CALHM5: variants seen among roughly 807,000 people sequenced by gnomAD.
CALHM5 encodes the protein calcium homeostasis modulator protein 5.
Under a neutral mutation model 20.9 loss-of-function variants are expected in CALHM5, and 17 were observed. The ratio of observed to expected loss-of-function variants is 0.82; its 90% CI spans 0.56 to 1.22. The LOEUF (loss-of-function observed/expected upper bound fraction) is 1.22, where lower values mean the gene tolerates loss of function less well. Among genes scored for constraint, CALHM5 ranks in the 50% most tolerant of loss-of-function variants. The pLI, the probability that CALHM5 is intolerant of heterozygous loss-of-function variation, is 0.00. For missense variants in CALHM5, 360 were observed against 364.6 expected (o/e 0.99, Z 0.10); for synonymous variants, 148 against 140.0 (o/e 1.06, Z -0.40).
chr6:116,515,924 C>A lies in CALHM5; in HGVS notation c.865C>A (p.Leu289Met). The A allele has an allele frequency of 6.2e-7, 1 of 1,613,668 alleles. No individual in the cohort carries two copies. The change falls in exon 2 of 2, where the codon CTG becomes ATG. Residue 289 changes from leucine to methionine, a missense_variant. Transcript: ENST00000368599. Reference sequence around the variant, plus strand: ...CCTCCACAGAGTGGTGGACAATGGTCTGCAACTTAGCCCTGAGGATGATGA... The same window carrying A: ...CCTCCACAGAGTGGTGGACAATGGTATGCAACTTAGCCCTGAGGATGATGA... ...STLHRVVDNG[L>M]QLSPEDDETT...
chr6:116,514,808 C>T (rs1772189923), intron 1 of CALHM5, among the ~76,000 whole-genome samples: 1 of 152,040 alleles, frequency 6.6e-6, no homozygotes, highest in African/African-American at 2.4e-5. Flanking sequence ...GGCTCATCTG[C>T]TAAAGAATAT....
In CALHM5 at chr6:116,522,288, C is replaced by G. The variant is rs1238536799; in HGVS notation, c.*6299C>G. 1.3e-5 allele frequency: 2 copies of G among 152,188 alleles called. No individual in the cohort carries two copies. The highest frequency in any genetic ancestry group is 4.8e-5 in the African/African-American group (2 of 41,436). The allele number at this position is 152,188 out of a possible 1,614,324, so 9.4% of individuals were successfully genotyped here. ...CTTTGTAGAGAAGTCCTTGCCATGTCCTATCCAACTCCATGACCCCAAAAA... is the reference window on the plus strand; with the variant it reads ...CTTTGTAGAGAAGTCCTTGCCATGTGCTATCCAACTCCATGACCCCAAAAA... On this transcript the variant is annotated 3_prime_UTR_variant, in exon 2 of 2. Transcript: ENST00000368599.
chr6:116,513,014 C>A (rs1772153794), intron 1 of CALHM5, among the ~76,000 whole-genome samples: 1 of 152,104 alleles, frequency 6.6e-6, no homozygotes, highest in Non-Finnish European at 1.5e-5. Flanking sequence ...GGCACATGAA[C>A]ACAAATCCAG....
Position 116,511,971 on chromosome 6 carries a change from A to G in CALHM5, c.275A>G (p.His92Arg), listed in dbSNP as rs767174345. The change falls in exon 1 of 2, where the codon CAC becomes CGC. Residue 92 changes from histidine to arginine, a missense_variant. By Grantham distance (29) the His-to-Arg change is conservative. Transcript: ENST00000368599. ...VNPRKIFPRGHSCRFFYVLGQ... is the reference protein window; with the variant it reads ...VNPRKIFPRGRSCRFFYVLGQ... Reference sequence around the variant, plus strand: ...CCCAGGAAAATCTTTCCCAGAGGCCACAGCTGCCGTTTCTTCTACGTCCTC... The same window carrying G: ...CCCAGGAAAATCTTTCCCAGAGGCCGCAGCTGCCGTTTCTTCTACGTCCTC... 7 of 1,613,974 alleles carry G rather than the reference A, an allele frequency of 4.3e-6. No homozygotes were observed. The East Asian group carries it at 1.3e-4, about 31-fold the overall frequency.
rs144179208 is a variant in CALHM5 at position 116,521,991 on chromosome 6, G to C, written c.*6002G>C. 17 of 152,084 alleles carry C rather than the reference G, an allele frequency of 1.1e-4. No homozygotes were observed. In the East Asian group the frequency reaches 3.3e-3, roughly 30 times the overall value. The allele number at this position is 152,084 out of a possible 1,614,324, so 9.4% of individuals were successfully genotyped here. The stretch of plus-strand genomic sequence containing the variant: ...TCAGGGACTACCAAGCTCTGAAGAG[G>C]CCCAAGCTAGCCAGTGGGAGGAGAG... On this transcript the variant is annotated 3_prime_UTR_variant, in exon 2 of 2. Transcript: ENST00000368599.
rs1361182965 is a variant in CALHM5, at chr6:116,511,695, A to G, written c.-2A>G. 6.2e-7 allele frequency: 1 copy of G among 1,612,644 alleles called. No individual in the cohort carries two copies. The highest frequency in any genetic ancestry group is 8.5e-7 in the Non-Finnish European group (1 of 1,179,300). ...AGCATTTTCCCTCTGTGCATCTCCA[A>G]CATGGATGCTTTTCAGGGCATTTTA... On this transcript the variant is annotated 5_prime_UTR_variant, in exon 1 of 2. Coordinates refer to ENST00000368599, the MANE Select transcript of CALHM5 (RefSeq NM_153711.5).
In CALHM5 at chr6:116,516,256, T is replaced by A; in HGVS notation, c.*267T>A. On this transcript the variant is annotated 3_prime_UTR_variant, in exon 2 of 2. Coordinates refer to ENST00000368599, the MANE Select transcript of CALHM5 (RefSeq NM_153711.5). ...TGTTGCTCCAAGATCTAAGATTTTATCATTCAACAGACAGACTCATGTGAG... is the reference window on the plus strand; with the variant it reads ...TGTTGCTCCAAGATCTAAGATTTTAACATTCAACAGACAGACTCATGTGAG... The A allele has an allele frequency of 3.0e-6, 1 of 333,376 alleles. No individual in the cohort carries two copies. Among genetic ancestry groups the A allele is most frequent in the Admixed American group, 4.6e-5 (1 of 21,844 alleles). The allele number at this position is 333,376 out of a possible 1,614,324, so 20.7% of individuals were successfully genotyped here. A position where few individuals can be genotyped will look rare whatever the true frequency, so the allele number is the denominator to read the frequency against.
chr6:116,524,067 G>A lies in CALHM5; in HGVS notation c.*8078G>A, dbSNP rs1772397796. The A allele has an allele frequency of 6.6e-6, 1 of 152,166 alleles. No homozygotes were observed. Among genetic ancestry groups the A allele is most frequent in the Admixed American group, 6.5e-5 (1 of 15,284 alleles). 9.4% of individuals were successfully genotyped at this position (152,166 alleles called of 1,614,324 possible). On this transcript the variant is annotated 3_prime_UTR_variant, in exon 2 of 2. Transcript: ENST00000368599. The stretch of plus-strand genomic sequence containing the variant: ...TAATTTTGCTATGTGTGGTAATGGT[G>A]TGCCGATTTATGTTTTTTAAAAAGT...
intron 1 of CALHM5, among the ~76,000 whole-genome samples, chr6:116,515,329 A>G (rs1271705638): frequency 6.6e-6 from 1 of 152,096 alleles, no homozygotes; most frequent in East Asian, 1.9e-4. Flanking sequence ...TATACTTTGT[A>G]CTCTTTTCTA....
chr6:116,514,312 A>T (rs1772180304), intron 1 of CALHM5, among the ~76,000 whole-genome samples: 1 of 152,202 alleles, frequency 6.6e-6, no homozygotes, highest in Admixed American at 6.5e-5. Flanking sequence ...AAAGAGGAAG[A>T]CAGACGATGA....
At chr6:116,514,982 G>A (rs1168143841) in intron 1 of CALHM5, among the ~76,000 whole-genome samples, 1 of 152,200 alleles carries the variant, frequency 6.6e-6, no homozygotes, top group Non-Finnish European at 1.5e-5. Context: ...GAGAAAAGCT[G>A]AACCATTTCA....
In CALHM5 at chr6:116,511,757, A is replaced by G; in HGVS notation, c.61A>G (p.Ser21Gly). ...FLNQKTVIGY[S>G]FMALLTVGSE... is the part of the protein sequence containing the mutation. ...TAATCAGAAAACTGTTATTGGCTAC[A>G]GCTTCATGGCTCTGCTGACCGTGGG... Residue 21 changes from serine (S) to glycine (G), a missense_variant, in exon 1 of 2, where the codon AGC (serine) becomes GGC (glycine). Physicochemically the swap from Ser to Gly is moderately conservative, Grantham distance 56. Transcript: ENST00000368599. 1 of 1,614,042 alleles carries G rather than the reference A, an allele frequency of 6.2e-7. No homozygotes were observed. Among genetic ancestry groups the G allele is most frequent in the African/African-American group, 1.3e-5 (1 of 75,034 alleles).
Position 116,522,144 on chromosome 6 carries a change from A to G in CALHM5, c.*6155A>G, listed in dbSNP as rs1466807032. On this transcript the variant is annotated 3_prime_UTR_variant, in exon 2 of 2. Transcript: ENST00000368599. ...ACATTCAGGCCCCAGTGTACACGAC[A>G]TGGAGAAGAACCAGGAAGTCCAACC... 6.6e-6 allele frequency: 1 copy of G among 152,306 alleles called. No homozygotes were observed. The highest frequency in any genetic ancestry group is 1.5e-5 in the Non-Finnish European group (1 of 68,112). 9.4% of individuals were successfully genotyped at this position (152,306 alleles called of 1,614,324 possible).
Position 116,524,540 on chromosome 6 carries a change from G to A in CALHM5, c.*8551G>A, listed in dbSNP as rs1361240140. On this transcript the variant is annotated 3_prime_UTR_variant, in exon 2 of 2. Transcript: ENST00000368599. ...AGTGTATTGTAAGCATTACTTCATT[G>A]TCTTTTGTCATTGAATATTGCTGAG... 1.3e-5 allele frequency: 2 copies of A among 152,162 alleles called. No homozygotes were observed. The highest frequency in any genetic ancestry group is 4.8e-5 in the African/African-American group (2 of 41,444). 9.4% of individuals were successfully genotyped at this position (152,162 alleles called of 1,614,324 possible).
Position 116,515,984 on chromosome 6 carries a change from A to G in CALHM5, c.925A>G (p.Met309Val). 1 of 1,587,270 alleles carries G rather than the reference A, an allele frequency of 6.3e-7. No homozygotes were observed. Among genetic ancestry groups the G allele is most frequent in the Non-Finnish European group, 8.6e-7 (1 of 1,161,822 alleles). ...GGTCCTTGTGGGTACTGCCCACAAT[A>G]TGTAGCTCATCCACCATCAATGACT... is the stretch of plus-strand genomic sequence containing the variant. ...TMVLVGTAHN[M>V] Residue 309 changes from methionine (M) to valine (V), a missense_variant, in exon 2 of 2, where the codon ATG (methionine) becomes GTG (valine). Transcript: ENST00000368599.
At position 116,513,793 on chromosome 6, in the gene CALHM5, C is replaced by G. The variant is rs527826787; in HGVS notation, c.540+1557C>G. 2.6e-5 allele frequency among the ~76,000 whole-genome samples: 4 copies of G among 152,304 alleles called. No individual in the cohort carries two copies. The East Asian group carries it at 7.7e-4, about 29-fold the overall frequency. On this transcript the variant is annotated intron_variant, in intron 1 of 1. Coordinates refer to ENST00000368599, the MANE Select transcript of CALHM5 (RefSeq NM_153711.5). The stretch of plus-strand genomic sequence containing the variant: ...TGGGTGGGGCAGATAAAAAATCTAG[C>G]TGGATGACTCTCTATTCTTAAGGAA...
chr6:116,517,388 C>CAT lies in CALHM5; in HGVS notation c.*1406_*1407dup, dbSNP rs1018052928. On this transcript the variant is annotated 3_prime_UTR_variant, in exon 2 of 2. Transcript: ENST00000368599. Reference sequence around the variant, plus strand: ...TGTACTATATCCATGTTAGTATGTACATATATATGTGTATGTATATATGTA... The same window carrying CAT: ...TGTACTATATCCATGTTAGTATGTACATATATATATGTGTATGTATATATGTA... The CAT allele has an allele frequency of 6.6e-6, 1 of 152,044 alleles. No individual in the cohort carries two copies. The highest frequency in any genetic ancestry group is 2.4e-5 in the African/African-American group (1 of 41,392). 9.4% of individuals were successfully genotyped at this position (152,044 alleles called of 1,614,324 possible).
chr6:116,512,298 C>G, intron 1 of CALHM5, 62 bp downstream of exon 1: 1 of 1,502,302 alleles, frequency 6.7e-7, no homozygotes, highest in Non-Finnish European at 8.9e-7. Flanking sequence ...TCTCTGTGCT[C>G]CTTTCAGCCA....
Position 116,520,320 on chromosome 6 carries a change from G to A in CALHM5, c.*4331G>A, listed in dbSNP as rs1234408993. On this transcript the variant is annotated 3_prime_UTR_variant, in exon 2 of 2. Coordinates refer to ENST00000368599, the MANE Select transcript of CALHM5 (RefSeq NM_153711.5). ...ATTCTATTTAGACTTTGGTGGTTCC[G>A]AATTCTCTAAGGTAATTATCTTAAT... is the stretch of plus-strand genomic sequence containing the variant. 2 of 152,056 alleles carry A rather than the reference G, an allele frequency of 1.3e-5. No individual in the cohort carries two copies. Among genetic ancestry groups the A allele is most frequent in the Non-Finnish European group, 2.9e-5 (2 of 68,016 alleles). The allele number at this position is 152,056 out of a possible 1,614,324, so 9.4% of individuals were successfully genotyped here. A position where few individuals can be genotyped will look rare whatever the true frequency, so the allele number is the denominator to read the frequency against.
Sources: allele counts gnomAD v4.1 joint callset (sites outside exome capture counted in the v4.1 genomes callset), GRCh38; gene constraint gnomAD v4.1.1; transcripts MANE v1.5; gene names NCBI Gene and HGNC (gene_info 2026-07-23, HGNC 2026-07-21).